The following SSBP2 variants were observed in gnomAD, a reference collection of about 807,000 sequenced individuals.
SSBP2 encodes the protein single stranded DNA binding protein 2, also known as single-stranded DNA-binding protein 2.
SSBP2 carries 17 observed loss-of-function variants against 61.8 expected under a neutral mutation model. The ratio of observed to expected loss-of-function variants is 0.28; its 90% confidence interval spans 0.19 to 0.41. SSBP2 has a LOEUF of 0.41. Among genes scored for constraint, SSBP2 ranks in the 10% least tolerant of loss-of-function variants. The pLI is 1.00. For synonymous variants in SSBP2, 139 were observed against 141.3 expected (o/e 0.98, Z 0.12); for missense variants, 310 against 458.7 (o/e 0.68, Z 2.96).
chr5:81,472,361 G>A (rs1418151437), intron 8 of SSBP2, among the ~76,000 whole-genome samples: 1 of 152,134 alleles, frequency 6.6e-6, no homozygotes, highest in Non-Finnish European at 1.5e-5. Context: ...CAACCTCAGT[G>A]TATACTTCTG....
At chr5:81,591,503 A>G (rs770003698) in intron 4 of SSBP2, among the ~76,000 whole-genome samples, 3 of 152,246 alleles carry the variant, frequency 2.0e-5, no homozygotes, top group Non-Finnish European at 2.9e-5. Context: ...GAAGCTTAAA[A>G]TATTTATGAC....
At chr5:81,423,117 TA>T (rs1761715441) in intron 16 of SSBP2, among the ~76,000 whole-genome samples, 1 of 152,238 alleles carries the variant, frequency 6.6e-6, no homozygotes, top group African/African-American at 2.4e-5. Context: ...TGGGCACAGA[TA>T]AATTTAATCT....
intron 10 of SSBP2, among the ~76,000 whole-genome samples, chr5:81,451,373 C>T (rs889914375): frequency 6.6e-6 from 1 of 151,194 alleles, no homozygotes; most frequent in Admixed American, 6.6e-5. Context: ...TAGCTTTTCT[C>T]AACTATCTCA....
intron 4 of SSBP2, among the ~76,000 whole-genome samples, chr5:81,594,387 A>C (rs1252697613): frequency 2.6e-5 from 4 of 152,172 alleles, no homozygotes; most frequent in Non-Finnish European, 5.9e-5. Flanking sequence ...CCACACAATA[A>C]TAATGGGAGA....
chr5:81,724,835 C>T (rs533827192), intron 1 of SSBP2, among the ~76,000 whole-genome samples: 21 of 152,154 alleles, frequency 1.4e-4, no homozygotes, highest in African/African-American at 4.8e-4. Flanking sequence ...AACGCAGCTA[C>T]GATGGACAGA....
At chr5:81,736,411 T>C (rs1370522790) in intron 1 of SSBP2, among the ~76,000 whole-genome samples, 1 of 152,274 alleles carries the variant, frequency 6.6e-6, no homozygotes, top group Admixed American at 6.5e-5. Context: ...TTTAATCTTG[T>C]TTTTGAGGGA....
intron 1 of SSBP2, among the ~76,000 whole-genome samples, chr5:81,732,492 T>C (rs1382012171): frequency 6.9e-6 from 1 of 145,626 alleles, no homozygotes; most frequent in East Asian, 1.9e-4. Context: ...TTAAATGGAA[T>C]CACTCAAACT....
At chr5:81,631,124 T>C (rs1747666986) in intron 3 of SSBP2, among the ~76,000 whole-genome samples, 1 of 152,214 alleles carries the variant, frequency 6.6e-6, no homozygotes, top group Non-Finnish European at 1.5e-5. Flanking sequence ...TTTTATACTA[T>C]TTACAAAATG....
intron 12 of SSBP2, among the ~76,000 whole-genome samples, chr5:81,445,138 TTATATA>T (rs1160080305): frequency 2.1e-4 from 7 of 33,896 alleles, no homozygotes; most frequent in East Asian, 1.8e-3. Flanking sequence ...AAAAAAAATT[TTATATA>T]TATATATATA....
intron 1 of SSBP2, among the ~76,000 whole-genome samples, chr5:81,702,202 C>T (rs986726928): frequency 3.3e-5 from 5 of 152,126 alleles, no homozygotes; most frequent in African/African-American, 1.2e-4. Flanking sequence ...GAAACCACGT[C>T]TCTACTAAAA....
At chr5:81,542,656 C>T (rs916524427) in intron 4 of SSBP2, among the ~76,000 whole-genome samples, 12 of 151,756 alleles carry the variant, frequency 7.9e-5, no homozygotes, top group Admixed American at 3.9e-4. Context: ...GGTGCTGTGT[C>T]CTCACCCAAA....
chr5:81,635,342 T>A (rs1748110573), intron 3 of SSBP2, among the ~76,000 whole-genome samples: 1 of 152,190 alleles, frequency 6.6e-6, no homozygotes, highest in African/African-American at 2.4e-5. Context: ...ACTAACTGCT[T>A]ATTTGTAACT....
At chr5:81,681,335 C>A (rs780132284) in intron 1 of SSBP2, among the ~76,000 whole-genome samples, 1 of 151,930 alleles carries the variant, frequency 6.6e-6, no homozygotes. Context: ...GCCTGGCCAA[C>A]GTGGCAAAAC....
At chr5:81,493,215 TA>T (rs1766995621) in intron 5 of SSBP2, among the ~76,000 whole-genome samples, 1 of 151,518 alleles carries the variant, frequency 6.6e-6, no homozygotes, top group Non-Finnish European at 1.5e-5. Context: ...AAAACATATA[TA>T]TATCAAAAAC....
intron 1 of SSBP2, among the ~76,000 whole-genome samples, chr5:81,708,262 TAG>T (rs1754534819): frequency 1.3e-5 from 2 of 152,134 alleles, no homozygotes; most frequent in African/African-American, 4.8e-5. Flanking sequence ...ATTGATTAAA[TAG>T]AGTCACATAA....
At chr5:81,707,981 T>G (rs1754514210) in intron 1 of SSBP2, among the ~76,000 whole-genome samples, 1 of 152,160 alleles carries the variant, frequency 6.6e-6, no homozygotes, top group Non-Finnish European at 1.5e-5. Context: ...GATCCTCATG[T>G]TTTTCCTCAA....
chr5:81,697,858 AAAG>A (rs1428914096), intron 1 of SSBP2, among the ~76,000 whole-genome samples: 3 of 152,220 alleles, frequency 2.0e-5, no homozygotes, highest in Admixed American at 6.5e-5. Flanking sequence ...ATGATGCACA[AAAG>A]AAGAAACATA....
chr5:81,479,397 TCTC>T (rs1174723763), intron 6 of SSBP2, among the ~76,000 whole-genome samples: 1 of 152,078 alleles, frequency 6.6e-6, no homozygotes, highest in Non-Finnish European at 1.5e-5. Context: ...TTCAAGTGAT[TCTC>T]CTGCCTCAGC....
chr5:81,532,218 G>T (rs1199387905), intron 4 of SSBP2, among the ~76,000 whole-genome samples: 1 of 151,970 alleles, frequency 6.6e-6, no homozygotes, highest in Non-Finnish European at 1.5e-5. Flanking sequence ...TAGATAAAAA[G>T]GCCAGATGTG....
Sources: gnomAD v4.1 joint callset for allele counts (sites outside exome capture counted in the v4.1 genomes callset) on GRCh38, gnomAD v4.1.1 for gene constraint, MANE v1.5 for transcripts, NCBI Gene and HGNC (gene_info 2026-07-23, HGNC 2026-07-21) for gene names.